The following COL4A5 variants were observed in gnomAD, a reference collection of about 807,000 sequenced individuals.
The protein encoded by COL4A5 is collagen type IV alpha 5 chain.
COL4A5 carries 26 observed loss-of-function variants against 130.2 expected under a neutral mutation model. That is an observed-to-expected ratio of 0.20 (90% CI 0.15 to 0.28). The LOEUF is 0.28. Among genes scored for constraint, COL4A5 ranks in the 10% least tolerant of loss-of-function variants. COL4A5 has a pLI of 1.00. For synonymous variants in COL4A5, 496 were observed against 439.6 expected, an observed-to-expected ratio of 1.13 and a Z score of -1.60; for missense variants, 1,131 against 1,344.3, an observed-to-expected ratio of 0.84 and a Z score of 2.48.
At chrX:108,692,679 T>C (rs994462490) in intron 49 of COL4A5, 69 bp from the exon 50 acceptor site, 46 of 1,047,864 alleles carry the variant, frequency 4.4e-5, no homozygotes, top group Middle Eastern at 5.0e-4. Flanking sequence ...CTGTTTGCTA[T>C]TGTTTTAGAA....
At chrX:108,675,391 T>TA (rs2068285397) in intron 43 of COL4A5, among the ~76,000 whole-genome samples, 2 of 111,687 alleles carry the variant, frequency 1.8e-5, no homozygotes, top group South Asian at 7.5e-4. Context: ...TTTCCCATCT[T>TA]ACTTTGTTAT....
intron 1 of COL4A5, among the ~76,000 whole-genome samples, chrX:108,467,170 GGTT>G (rs1443860491): frequency 9.0e-6 from 1 of 111,721 alleles, no homozygotes; most frequent in African/African-American, 3.3e-5. Flanking sequence ...CTTATGTTTA[GGTT>G]GTTGATTCAT....
chrX:108,552,685 C>A (rs987855022), intron 2 of COL4A5, among the ~76,000 whole-genome samples: 1 of 111,833 alleles, frequency 8.9e-6, no homozygotes, highest in East Asian at 2.8e-4. Flanking sequence ...AATTGGAAGA[C>A]TCAATATTGT....
chrX:108,657,987 G>T (rs899074921), intron 37 of COL4A5, among the ~76,000 whole-genome samples: 17 of 110,181 alleles, frequency 1.5e-4, no homozygotes, highest in African/African-American at 5.6e-4. Flanking sequence ...GACCTGTAGT[G>T]CAGTGTTTAA....
intron 1 of COL4A5, among the ~76,000 whole-genome samples, chrX:108,516,571 A>G (rs924236644): frequency 8.9e-6 from 1 of 111,768 alleles, no homozygotes; most frequent in Non-Finnish European, 1.9e-5. Context: ...AGTACTGTCA[A>G]TAGGCCATCA....
chrX:108,618,074 C>A (rs932535664), intron 30 of COL4A5, among the ~76,000 whole-genome samples: 1 of 111,203 alleles, frequency 9.0e-6, no homozygotes, highest in Non-Finnish European at 1.9e-5. Flanking sequence ...AAACTGGTTC[C>A]ATTCGGCTGC....
At chrX:108,673,851 G>A (rs1177592497) in intron 42 of COL4A5, among the ~76,000 whole-genome samples, 1 of 108,671 alleles carries the variant, frequency 9.2e-6, no homozygotes, top group East Asian at 2.9e-4. Flanking sequence ...AGACCAGCCT[G>A]GCCAACATGG....
intron 1 of COL4A5, among the ~76,000 whole-genome samples, chrX:108,500,774 A>T (rs2065073164): frequency 9.0e-6 from 1 of 111,617 alleles, no homozygotes; most frequent in Non-Finnish European, 1.9e-5. Context: ...GGCCTTGTAC[A>T]GTTTATAAAT....
intron 6 of COL4A5, among the ~76,000 whole-genome samples, chrX:108,571,141 C>T (rs1028944094): frequency 9.0e-6 from 1 of 111,565 alleles, no homozygotes; most frequent in Non-Finnish European, 1.9e-5. Context: ...ATGGCGTGAT[C>T]GTCTCAAAAT....
At chrX:108,545,715 G>A (rs1603271017) in intron 2 of COL4A5, among the ~76,000 whole-genome samples, 2 of 111,023 alleles carry the variant, frequency 1.8e-5, no homozygotes, top group South Asian at 3.9e-4. Context: ...GGGTGTTAAA[G>A]TCTCCCATTA....
intron 1 of COL4A5, among the ~76,000 whole-genome samples, chrX:108,506,310 T>G (rs2065122847): frequency 9.1e-6 from 1 of 109,570 alleles, no homozygotes; most frequent in South Asian, 4.0e-4. Context: ...CTTTGATAAT[T>G]GTTTTTTTTC....
chrX:108,527,409 C>T (rs375280809), intron 1 of COL4A5, among the ~76,000 whole-genome samples: 3 of 111,872 alleles, frequency 2.7e-5, no homozygotes, highest in East Asian at 2.8e-4. Context: ...ATTACAAAGA[C>T]CTTAAGAATG....
At chrX:108,663,419 A>G (rs1463579376) in intron 37 of COL4A5, among the ~76,000 whole-genome samples, 3 of 112,017 alleles carry the variant, frequency 2.7e-5, no homozygotes, top group Non-Finnish European at 5.6e-5. Context: ...GATCATACTT[A>G]TGGAATGGAA....
intron 1 of COL4A5, among the ~76,000 whole-genome samples, chrX:108,497,480 A>G: frequency 9.0e-6 from 1 of 111,045 alleles, no homozygotes; most frequent in East Asian, 2.8e-4. Flanking sequence ...TTCTATTTTC[A>G]CCAGAGAGCC....
In COL4A5 at chrX:108,687,681, C is replaced by T. The variant is rs764098128; in HGVS notation, c.4515C>T (p.His1505=). 18 of 1,204,120 alleles carry T rather than the reference C, an allele frequency of 1.5e-5. No homozygotes were observed. Among genetic ancestry groups the T allele is most frequent in the South Asian group, 1.2e-4 (7 of 56,655 alleles). ...ATGTACAAGGAAATAAAAGAGCCCACGGTCAAGACTTGGGTGAGATAATCA... is the reference window on the plus strand; with the variant it reads ...ATGTACAAGGAAATAAAAGAGCCCATGGTCAAGACTTGGGTGAGATAATCA... ...LLYVQGNKRA[H]GQDLGTAGSC... is the part of the protein sequence containing the mutation. The change falls in exon 49 of 53, where the codon CAC becomes CAT. Residue 1505 remains histidine, a synonymous_variant. Transcript: ENST00000328300.
At chrX:108,489,544 T>C (rs1454698328) in intron 1 of COL4A5, among the ~76,000 whole-genome samples, 2 of 112,243 alleles carry the variant, frequency 1.8e-5, no homozygotes, top group Admixed American at 9.5e-5. Flanking sequence ...TTCCACGTAT[T>C]GTTTGCTTTT....
chrX:108,540,245 A>G (rs960169006), intron 2 of COL4A5, among the ~76,000 whole-genome samples: 1 of 110,518 alleles, frequency 9.0e-6, no homozygotes, highest in African/African-American at 3.3e-5. Flanking sequence ...GTCCTTTAAT[A>G]TCTGCATTTG....
intron 1 of COL4A5, among the ~76,000 whole-genome samples, chrX:108,500,858 T>C (rs1176759854): frequency 9.0e-6 from 1 of 111,328 alleles, no homozygotes; most frequent in Non-Finnish European, 1.9e-5. Flanking sequence ...TATACACACA[T>C]GCATTTCAGA....
intron 37 of COL4A5, among the ~76,000 whole-genome samples, chrX:108,665,296 A>G (rs1459922182): frequency 8.9e-6 from 1 of 112,083 alleles, no homozygotes; most frequent in Non-Finnish European, 1.9e-5. Context: ...AGTTATTTTT[A>G]TGTTTATGAA....
Sources: gnomAD v4.1 joint callset for allele counts (sites outside exome capture counted in the v4.1 genomes callset) on GRCh38, gnomAD v4.1.1 for gene constraint, MANE v1.5 for transcripts, NCBI Gene and HGNC (gene_info 2026-07-23, HGNC 2026-07-21) for gene names.